The following NCOA1 variants were observed in gnomAD, a reference collection of about 807,000 sequenced individuals.
The protein encoded by NCOA1 is Hin-2 protein.
A neutral mutation model predicts 150.9 loss-of-function variants in NCOA1; 35 were observed. The ratio of observed to expected loss-of-function variants is 0.23; its 90% CI spans 0.18 to 0.31. The LOEUF is 0.31. NCOA1 is among the 10% of genes least tolerant of loss of function. The pLI is 1.00. For synonymous variants in NCOA1, 590 were observed against 630.0 expected, an observed-to-expected ratio of 0.94 and a Z score of 0.95; for missense variants, 1,491 against 1,749.3, an observed-to-expected ratio of 0.85 and a Z score of 2.63.
intron 1 of NCOA1, among the ~76,000 whole-genome samples, chr2:24,529,837 A>T (rs993310488): frequency 7.2e-5 from 11 of 152,260 alleles, no homozygotes; most frequent in Non-Finnish European, 1.2e-4. Flanking sequence ...TTTATAAAAA[A>T]GCAGCCATAT....
At chr2:24,630,696 G>A (rs978286234) in intron 3 of NCOA1, among the ~76,000 whole-genome samples, 1 of 152,112 alleles carries the variant, frequency 6.6e-6, no homozygotes, top group Non-Finnish European at 1.5e-5. Flanking sequence ...GATTTTTTAA[G>A]TCACCTAAAA....
Position 24,758,038 on chromosome 2 carries a change from G to A in NCOA1, c.3947G>A (p.Ser1316Asn), listed in dbSNP as rs1572691025. 2.5e-6 allele frequency: 4 copies of A among 1,614,010 alleles called. No homozygotes were observed. The highest frequency in any genetic ancestry group is 1.6e-4 in the Middle Eastern group (1 of 6,084). The change falls in exon 21 of 23, where the codon AGC becomes AAC. Residue 1316 changes from serine (S) to asparagine (N), a missense_variant. Physicochemically the swap from Ser to Asn is conservative, Grantham distance 46. This residue lies in a region of NCOA1 where 485 missense variants were observed against 522.8 expected (regional missense o/e 0.93). Transcript: ENST00000348332. ...CAGCCAGGAGTATACAACAACATGAGCATCACCGTTTCCATGGCAGGTGGA... is the reference window on the plus strand; with the variant it reads ...CAGCCAGGAGTATACAACAACATGAACATCACCGTTTCCATGGCAGGTGGA... ...PAQPGVYNNM[S>N]ITVSMAGGNT... is the part of the protein sequence containing the mutation.
intron 1 of NCOA1, among the ~76,000 whole-genome samples, chr2:24,508,575 G>T (rs369507491): frequency 1.3e-5 from 2 of 152,034 alleles, no homozygotes; most frequent in African/African-American, 4.8e-5. Context: ...TTTAATGAAT[G>T]AAATGTCTCA....
At chr2:24,685,436 AATGAGATG>A (rs1471885175) in intron 8 of NCOA1, among the ~76,000 whole-genome samples, 2 of 152,252 alleles carry the variant, frequency 1.3e-5, no homozygotes, top group Non-Finnish European at 2.9e-5. Flanking sequence ...GATTACAAAG[AATGAGATG>A]TTAGTGAACA....
At chr2:24,621,437 T>G (rs1234427265) in intron 3 of NCOA1, among the ~76,000 whole-genome samples, 1 of 69,686 alleles carries the variant, frequency 1.4e-5, no homozygotes, top group Non-Finnish European at 3.2e-5. Flanking sequence ...GGCAGATTTT[T>G]TTTTTTTTTT....
At chr2:24,765,045 C>CGGGCACCT (rs1664979219) in intron 22 of NCOA1, among the ~76,000 whole-genome samples, 1 of 151,836 alleles carries the variant, frequency 6.6e-6, no homozygotes, top group Admixed American at 6.6e-5. Flanking sequence ...GGCATGGTGG[C>CGGGCACCT]GGGCACCTGC....
intron 17 of NCOA1, among the ~76,000 whole-genome samples, chr2:24,737,521 A>C (rs1162313375): frequency 1.3e-5 from 2 of 152,096 alleles, no homozygotes; most frequent in Non-Finnish European, 2.9e-5. Flanking sequence ...ATATAAAGCT[A>C]TATGTTTGGA....
At chr2:24,662,603 A>T (rs183376258) in intron 5 of NCOA1, among the ~76,000 whole-genome samples, 266 of 152,342 alleles carry the variant, frequency 1.7e-3, no homozygotes, top group Middle Eastern at 3.4e-3. Flanking sequence ...CTAAAAGTAT[A>T]TACCAGGAAC....
intron 3 of NCOA1, among the ~76,000 whole-genome samples, chr2:24,630,568 C>T (rs1237447072): frequency 6.6e-6 from 1 of 152,208 alleles, no homozygotes; most frequent in Non-Finnish European, 1.5e-5. Context: ...ATTCTTGCCA[C>T]TTACTAATGG....
intron 17 of NCOA1, among the ~76,000 whole-genome samples, chr2:24,736,237 A>T (rs1477143895): frequency 2.2e-5 from 3 of 135,982 alleles, no homozygotes; most frequent in Non-Finnish European, 5.2e-5. Flanking sequence ...AAAAAAAAAA[A>T]GAAAAAGAAA....
chr2:24,579,028 G>A (rs1457989209), intron 2 of NCOA1, among the ~76,000 whole-genome samples: 1 of 151,914 alleles, frequency 6.6e-6, no homozygotes, highest in Non-Finnish European at 1.5e-5. Flanking sequence ...GCATGTGGTG[G>A]GTACTGAAAA....
intron 1 of NCOA1, among the ~76,000 whole-genome samples, chr2:24,534,898 T>C (rs1009612318): frequency 1.1e-4 from 17 of 152,224 alleles, no homozygotes; most frequent in Non-Finnish European, 2.5e-4. Context: ...ATAAGTGGGA[T>C]GTGGTACTGA....
At chr2:24,602,031 A>AT (rs1470335370) in intron 3 of NCOA1, among the ~76,000 whole-genome samples, 3 of 151,978 alleles carry the variant, frequency 2.0e-5, no homozygotes, top group African/African-American at 7.3e-5. Flanking sequence ...TCACCGTTTA[A>AT]TTTTTTCTTG....
chr2:24,621,634 A>G (rs1669170237), intron 3 of NCOA1, among the ~76,000 whole-genome samples: 1 of 151,686 alleles, frequency 6.6e-6, no homozygotes, highest in Admixed American at 6.6e-5. Flanking sequence ...ACCTGCCACC[A>G]TGCCCGGCTA....
chr2:24,629,821 T>C (rs1331081387), intron 3 of NCOA1, among the ~76,000 whole-genome samples: 2 of 114,362 alleles, frequency 1.7e-5, no homozygotes, highest in East Asian at 2.9e-4. Flanking sequence ...TACATACATA[T>C]ATATATATAT....
At chr2:24,656,750 T>C (rs940788915) in intron 4 of NCOA1, among the ~76,000 whole-genome samples, 3 of 152,228 alleles carry the variant, frequency 2.0e-5, no homozygotes, top group African/African-American at 7.2e-5. Context: ...TCACCTAGCA[T>C]GATGCCCTCC....
Position 24,658,728 on chromosome 2 carries a change from T to G in NCOA1, c.51T>G (p.His17Gln), listed in dbSNP as rs1321249598. Residue 17 changes from histidine to glutamine, a missense_variant, in exon 5 of 23, where the codon CAT becomes CAG. By Grantham distance (24) the His-to-Gln change is conservative. Transcript: ENST00000348332. ...CCGACCCTGCTAACCCAGACTCACATAAGAGGAAAGGATCGCCATGTGACA... is the reference window on the plus strand; with the variant it reads ...CCGACCCTGCTAACCCAGACTCACAGAAGAGGAAAGGATCGCCATGTGACA... ...SSSDPANPDS[H>Q]KRKGSPCDTL... 3 of 1,613,990 alleles carry G rather than the reference T, an allele frequency of 1.9e-6. No homozygotes were observed. The highest frequency in any genetic ancestry group is 3.3e-5 in the Admixed American group (2 of 59,994).
intron 3 of NCOA1, among the ~76,000 whole-genome samples, chr2:24,596,896 C>G (rs1287408204): frequency 6.6e-6 from 1 of 152,112 alleles, no homozygotes; most frequent in East Asian, 1.9e-4. Flanking sequence ...CCCTGTTAAT[C>G]CATTTGGCTT....
rs781276405 is a variant in NCOA1, at chr2:24,540,460, C to CT, written c.-395-23820dup. On this transcript the variant is annotated intron_variant, in intron 1 of 22. Transcript: ENST00000348332. ...CATGATTGATAGCTGGGAGAACTGG[C>CT]TTTTTTTTTTTTTTTGAGACGGAGT... is the stretch of plus-strand genomic sequence containing the variant. Among the ~76,000 whole-genome samples, 717 of 136,388 alleles carry CT rather than the reference C, an allele frequency of 5.3e-3. 4 individuals are homozygous for CT. The highest frequency in any genetic ancestry group is 8.2e-3 in the South Asian group (35 of 4,294). 89.5% of individuals were successfully genotyped at this position (136,388 alleles called of 152,430 possible).
Sources: allele counts gnomAD v4.1 joint callset (sites outside exome capture counted in the v4.1 genomes callset), GRCh38; gene constraint gnomAD v4.1.1; regional missense constraint gnomAD v4.1.1; transcripts MANE v1.5; gene names NCBI Gene and HGNC (gene_info 2026-07-23, HGNC 2026-07-21).